MYT1L: variants seen among roughly 807,000 people sequenced by gnomAD.
MYT1L encodes myelin transcription factor 1-like protein.
Under a neutral mutation model 126.7 loss-of-function variants are expected in MYT1L, and 12 were observed. The ratio of observed to expected loss-of-function variants is 0.09; its 90% CI spans 0.06 to 0.15. The LOEUF (loss-of-function observed/expected upper bound fraction) is 0.15. MYT1L is among the 10% of genes least tolerant of loss of function. MYT1L has a pLI of 1.00. For synonymous variants in MYT1L, 541 were observed against 604.2 expected (o/e 0.90, Z 1.53); for missense variants, 979 against 1,585.2 (o/e 0.62, Z 6.49).
intron 18 of MYT1L, among the ~76,000 whole-genome samples, chr2:1,877,273 T>A (rs1315091281): frequency 6.6e-6 from 1 of 152,178 alleles, no homozygotes; most frequent in African/African-American, 2.4e-5. Context: ...CCCCGAAATA[T>A]GATGCAGCGA....
chr2:2,197,021 C>CGAATGTT (rs1460270488), intron 2 of MYT1L, among the ~76,000 whole-genome samples: 1 of 151,858 alleles, frequency 6.6e-6, no homozygotes, highest in African/African-American at 2.4e-5. Flanking sequence ...TATTACAGTG[C>CGAATGTT]GAATGTTAAG....
Position 1,979,872 on chromosome 2 carries a change from G to T in MYT1L, c.1-95C>A. ...ACTCTCCCTGGCATTCTATTAATGG[G>T]GCTTTAATCCTGTTTCCCTCCATGA... On this transcript the variant is annotated intron_variant, in intron 5 of 24. Coordinates refer to ENST00000647738, the MANE Select transcript of MYT1L (RefSeq NM_001303052.2). The surrounding 1 kb of genome is among the most constrained non-coding windows in gnomAD (Gnocchi z 4.0). 2 of 1,272,962 alleles carry T rather than the reference G, an allele frequency of 1.6e-6. No individual in the cohort carries two copies. The highest frequency in any genetic ancestry group is 1.1e-6 in the Non-Finnish European group (1 of 886,584). 78.9% of individuals were successfully genotyped at this position (1,272,962 alleles called of 1,614,324 possible).
intron 4 of MYT1L, among the ~76,000 whole-genome samples, chr2:2,046,816 T>C (rs1001475549): frequency 2.6e-5 from 4 of 152,226 alleles, no homozygotes; most frequent in African/African-American, 9.6e-5. Context: ...TTCATTGATA[T>C]TGCTAATTAT....
intron 8 of MYT1L, among the ~76,000 whole-genome samples, chr2:1,958,124 A>AT (rs34274278): frequency 8.0e-5 from 12 of 150,802 alleles, no homozygotes; most frequent in East Asian, 3.9e-4. Flanking sequence ...GTTGCAGAAC[A>AT]TTTTTTTTTT....
intron 21 of MYT1L, among the ~76,000 whole-genome samples, chr2:1,826,723 T>A (rs762708143): frequency 3.9e-5 from 6 of 152,044 alleles, no homozygotes; most frequent in African/African-American, 7.2e-5. Context: ...TTGGAGGGTG[T>A]CTGGGCCTGA....
At chr2:2,085,903 C>T (rs923265255) in intron 3 of MYT1L, among the ~76,000 whole-genome samples, 3 of 152,192 alleles carry the variant, frequency 2.0e-5, no homozygotes, top group Admixed American at 6.5e-5. Context: ...ATGAAGAATG[C>T]GTTTGGGTGT....
At chr2:1,911,549 T>C (rs1233992932) in intron 12 of MYT1L, among the ~76,000 whole-genome samples, 1 of 152,082 alleles carries the variant, frequency 6.6e-6, no homozygotes, top group Non-Finnish European at 1.5e-5. Context: ...CACCCCAGCC[T>C]CCCACAGACC....
chr2:1,923,124 T>C lies in MYT1L; in HGVS notation c.645A>G (p.Ala215=). ...CTGACTCAGTCCTGGCCCGGTAGGC[T>C]GCATCCTCAGCGATTTTGCCGAGGT... ...LLNLGKIAED[A]AYRARTESEM... is the part of the protein sequence containing the mutation. The change falls in exon 10 of 25, where the codon GCA becomes GCG. Residue 215 remains alanine (A), a synonymous_variant. Transcript: ENST00000647738. 1 of 1,614,080 alleles carries C rather than the reference T, an allele frequency of 6.2e-7. No homozygotes were observed. Among genetic ancestry groups the C allele is most frequent in the Non-Finnish European group, 8.5e-7 (1 of 1,179,908 alleles).
intron 4 of MYT1L, among the ~76,000 whole-genome samples, chr2:2,026,989 C>T (rs568281937): frequency 1.1e-4 from 16 of 152,272 alleles, no homozygotes; most frequent in Admixed American, 2.0e-4. Context: ...CCCCAAGTGA[C>T]GCCCAGAGAA....
At chr2:2,023,621 C>T (rs1465183825) in intron 4 of MYT1L, among the ~76,000 whole-genome samples, 1 of 148,904 alleles carries the variant, frequency 6.7e-6, no homozygotes, top group African/African-American at 2.5e-5. Flanking sequence ...AAGGCTTTTG[C>T]TGTTTTTTTT....
chr2:2,232,497 G>A (rs1485724576), intron 2 of MYT1L, among the ~76,000 whole-genome samples: 1 of 152,202 alleles, frequency 6.6e-6, no homozygotes, highest in Non-Finnish European at 1.5e-5. Flanking sequence ...CCAAGTAGGT[G>A]CCTCTGTAGC....
chr2:1,856,504 T>C (rs2043942004), intron 18 of MYT1L, among the ~76,000 whole-genome samples: 1 of 152,210 alleles, frequency 6.6e-6, no homozygotes, highest in Admixed American at 6.5e-5. Flanking sequence ...TGCCCTCTGA[T>C]GTGTCCTTCC....
chr2:2,293,795 C>T (rs1002571723), intron 1 of MYT1L, among the ~76,000 whole-genome samples: 7 of 152,080 alleles, frequency 4.6e-5, no homozygotes, highest in Admixed American at 6.5e-5. Flanking sequence ...TGGAGTCAGA[C>T]GTTTTTGAAA....
chr2:1,835,351 A>C (rs564587319), intron 21 of MYT1L, among the ~76,000 whole-genome samples: 10 of 152,314 alleles, frequency 6.6e-5, no homozygotes, highest in Admixed American at 5.9e-4. Context: ...AAAAGTGTTG[A>C]ATATCTCATG....
chr2:2,146,131 T>C (rs1175607204), intron 3 of MYT1L, among the ~76,000 whole-genome samples: 2 of 152,262 alleles, frequency 1.3e-5, no homozygotes, highest in African/African-American at 4.8e-5. Context: ...TCTGTAACAG[T>C]AACTAAGCAC....
At chr2:2,293,320 G>A (rs2095626451) in intron 1 of MYT1L, among the ~76,000 whole-genome samples, 1 of 152,176 alleles carries the variant, frequency 6.6e-6, no homozygotes, top group South Asian at 2.1e-4. Context: ...AGTGCACTAA[G>A]GAAAAAGGAA....
intron 19 of MYT1L, among the ~76,000 whole-genome samples, chr2:1,850,667 A>G (rs1356364695): frequency 6.6e-6 from 1 of 152,168 alleles, no homozygotes; most frequent in African/African-American, 2.4e-5. Context: ...TTGAGCAAGA[A>G]TCCTGCTAAC....
chr2:2,195,577 C>T (rs765260437), intron 2 of MYT1L, among the ~76,000 whole-genome samples: 5 of 152,168 alleles, frequency 3.3e-5, no homozygotes, highest in Admixed American at 6.5e-5. Flanking sequence ...ATAGATTTGA[C>T]CAAACCTCAG....
intron 2 of MYT1L, among the ~76,000 whole-genome samples, chr2:2,262,938 T>TATATATATATATATATATATATA (rs2095021239): frequency 2.6e-5 from 1 of 37,954 alleles, no homozygotes; most frequent in Admixed American, 2.4e-4. Flanking sequence ...ATATAACCTG[T>TATATATATATATATATATATATA]GATATATATA....
Sources: gnomAD v4.1 joint callset for allele counts (sites outside exome capture counted in the v4.1 genomes callset) on GRCh38, gnomAD v4.1.1 for gene constraint, Gnocchi (gnomAD v3.1) non-coding constraint, MANE v1.5 for transcripts, NCBI Gene and HGNC (gene_info 2026-07-23, HGNC 2026-07-21) for gene names.